The following EIF4G3 variants were observed in gnomAD, a reference collection of about 807,000 sequenced individuals.
EIF4G3 encodes eIF-4-gamma 3.
In EIF4G3, 34 loss-of-function variants were observed where a neutral mutation model predicts 186.4. That is an observed-to-expected ratio of 0.18 (90% CI 0.14 to 0.24). EIF4G3 has a LOEUF of 0.24. Among genes scored for constraint, EIF4G3 ranks in the 10% least tolerant of loss-of-function variants. EIF4G3 has a pLI of 1.00. For missense variants in EIF4G3, 1,536 were observed against 1,948.5 expected (o/e 0.79, Z 3.99); for synonymous variants, 673 against 679.5 (o/e 0.99, Z 0.15).
intron 4 of EIF4G3, among the ~76,000 whole-genome samples, chr1:21,023,965 T>C (rs1391035861): frequency 1.4e-5 from 1 of 71,606 alleles, no homozygotes; most frequent in Non-Finnish European, 3.4e-5. Flanking sequence ...ATCTGGGAGG[T>C]GAGGAGCGTC....
In EIF4G3 at chr1:20,865,217, G is replaced by A. The variant is rs2077292747; in HGVS notation, c.2668C>T (p.Arg890Trp). 3.7e-6 allele frequency: 6 copies of A among 1,614,014 alleles called. No homozygotes were observed. The highest frequency in any genetic ancestry group is 2.7e-5 in the African/African-American group (2 of 74,984). ...ADKPGNTVNF[R>W]KLLLNRCQKE... ...TGGCAACGGTTCAGTAGCAGCTTCC[G>A]GAAATTCACTGTGTTACCAGGCTTG... The change falls in exon 21 of 37, where the codon CGG (arginine) becomes TGG (tryptophan). Residue 890 changes from arginine to tryptophan, a missense_variant. Transcript: ENST00000602326.
intron 2 of EIF4G3, among the ~76,000 whole-genome samples, chr1:21,159,431 T>TAA (rs71014164): frequency 8.2e-6 from 1 of 122,500 alleles, no homozygotes; most frequent in Non-Finnish European, 1.7e-5. Context: ...AGCAAGGGTT[T>TAA]AAAAAAAAAA....
At chr1:20,926,405 C>T (rs898870574) in intron 14 of EIF4G3, among the ~76,000 whole-genome samples, 2 of 152,160 alleles carry the variant, frequency 1.3e-5, no homozygotes, top group Non-Finnish European at 1.5e-5. Flanking sequence ...ACAGGCCAGG[C>T]ATGGTAGCTC....
Position 20,857,408 on chromosome 1 carries a change from T to G in EIF4G3, c.3334A>C (p.Thr1112Pro). The change falls in exon 25 of 37, where the codon ACT becomes CCT. Residue 1112 changes from threonine to proline, a missense_variant. This residue lies in a region of EIF4G3 where 110 missense variants were observed against 166.2 expected (regional missense o/e 0.66). Coordinates refer to ENST00000602326, the MANE Select transcript of EIF4G3 (RefSeq NM_001391906.1). The part of the protein sequence containing the change: ...VLDPSKFLKI[T>P]KPTIDEKIQL... ...ACTTTAAATGTCAGACTCACCTTAG[T>G]GATTTTTAGGAATTTTGAGGGGTCC... 1 of 1,613,736 alleles carries G rather than the reference T, an allele frequency of 6.2e-7. No homozygotes were observed.
intron 4 of EIF4G3, among the ~76,000 whole-genome samples, chr1:21,035,923 T>C (rs1349347772): frequency 6.6e-6 from 1 of 152,022 alleles, no homozygotes; most frequent in African/African-American, 2.4e-5. Flanking sequence ...GTAAGGCCCA[T>C]AAAAGCCTCA....
intron 3 of EIF4G3, among the ~76,000 whole-genome samples, chr1:21,067,739 A>G (rs1313238248): frequency 6.6e-6 from 1 of 152,182 alleles, no homozygotes; most frequent in East Asian, 1.9e-4. Context: ...AATCAGGTTC[A>G]AAGTGCAACA....
chr1:21,065,233 A>C (rs1177546777), intron 3 of EIF4G3, among the ~76,000 whole-genome samples: 1 of 152,120 alleles, frequency 6.6e-6, no homozygotes, highest in African/African-American at 2.4e-5. Flanking sequence ...ACAGATCCAA[A>C]TCATGTAAGA....
Position 21,057,598 on chromosome 1 carries a change from A to AT in EIF4G3, c.-195-6605dup, listed in dbSNP as rs200157947. Reference sequence around the variant, plus strand: ...GTGATTTTTTTAAAGCTGGTTTAAAATTTTTTTTTTGCTTTAAAATTATTT... The same window carrying AT: ...GTGATTTTTTTAAAGCTGGTTTAAAATTTTTTTTTTTGCTTTAAAATTATTT... On this transcript the variant is annotated intron_variant, in intron 3 of 36. Coordinates refer to ENST00000602326, the MANE Select transcript of EIF4G3 (RefSeq NM_001391906.1). Among the ~76,000 whole-genome samples the AT allele has an allele frequency of 8.4e-4, 126 of 150,032 alleles. 2 individuals carry two copies. Among genetic ancestry groups the AT allele is most frequent in the African/African-American group, 2.5e-3 (104 of 41,006 alleles).
At chr1:20,878,748 C>T (rs1202677604) in intron 20 of EIF4G3, among the ~76,000 whole-genome samples, 1 of 152,180 alleles carries the variant, frequency 6.6e-6, no homozygotes, top group Non-Finnish European at 1.5e-5. Flanking sequence ...GAATAGAGGA[C>T]AATGAACACT....
chr1:20,819,829 T>C (rs1171063189), intron 33 of EIF4G3, among the ~76,000 whole-genome samples: 1 of 151,658 alleles, frequency 6.6e-6, no homozygotes, highest in African/African-American at 2.4e-5. Flanking sequence ...ACCCCTGACC[T>C]TAAAATAAAA....
At chr1:20,828,391 G>A (rs999510703) in intron 31 of EIF4G3, among the ~76,000 whole-genome samples, 4 of 152,154 alleles carry the variant, frequency 2.6e-5, no homozygotes, top group Admixed American at 2.6e-4. Context: ...GGATGAAACA[G>A]CAAAGGGGCC....
chr1:20,984,269 G>C (rs867890788), intron 7 of EIF4G3, among the ~76,000 whole-genome samples: 1 of 151,636 alleles, frequency 6.6e-6, no homozygotes, highest in Admixed American at 6.6e-5. Context: ...GGGTTCAAGC[G>C]ATTCTCCTGC....
At chr1:20,828,446 T>A (rs772572962) in intron 31 of EIF4G3, among the ~76,000 whole-genome samples, 7 of 152,220 alleles carry the variant, frequency 4.6e-5, no homozygotes, top group Admixed American at 4.6e-4. Flanking sequence ...CTGTGTTCCA[T>A]AGGATATCTA....
At chr1:20,919,488 A>G (rs2094286352) in intron 14 of EIF4G3, among the ~76,000 whole-genome samples, 1 of 152,178 alleles carries the variant, frequency 6.6e-6, no homozygotes, top group African/African-American at 2.4e-5. Context: ...TACAGGTGTG[A>G]GCCACCAAGC....
chr1:20,840,242 T>C (rs1028716105), intron 30 of EIF4G3, among the ~76,000 whole-genome samples: 2 of 152,194 alleles, frequency 1.3e-5, no homozygotes, highest in African/African-American at 2.4e-5. Context: ...TGATGGTATA[T>C]CACAAATATA....
At chr1:21,132,366 AAT>A (rs1283502642) in intron 2 of EIF4G3, among the ~76,000 whole-genome samples, 1 of 152,178 alleles carries the variant, frequency 6.6e-6, no homozygotes, top group East Asian at 1.9e-4. Context: ...AAGAAAATTA[AAT>A]AAGCCTAGGA....
At chr1:21,122,403 A>G (rs2096941972) in intron 2 of EIF4G3, among the ~76,000 whole-genome samples, 1 of 152,216 alleles carries the variant, frequency 6.6e-6, no homozygotes. Flanking sequence ...GAAAACCAAA[A>G]AACTAAATGA....
chr1:20,899,662 T>C, intron 16 of EIF4G3, 35 bp downstream of exon 16: 3 of 1,610,876 alleles, frequency 1.9e-6, no homozygotes, highest in Middle Eastern at 1.7e-4. Context: ...AGTAGAGGGA[T>C]AAAGAGGTAC....
rs60071144 is a variant in EIF4G3 at position 20,911,560 on chromosome 1, CAAAAAAAAAAAAAA to C, written c.1664-6603_1664-6590del. Among the ~76,000 whole-genome samples the C allele has an allele frequency of 2.7e-4, 11 of 40,718 alleles. No individual in the cohort carries two copies. The South Asian group carries it at 3.8e-3, about 14-fold the overall frequency. 26.7% of individuals were successfully genotyped at this position (40,718 alleles called of 152,430 possible). A position where few individuals can be genotyped will look rare whatever the true frequency, so the allele number is the denominator to read the frequency against. On this transcript the variant is annotated intron_variant, in intron 14 of 36. Transcript: ENST00000602326. ...TGGGTAACAGACTGAGACCCTGCCT[CAAAAAAAAAAAAAA>C]AAAAAAAAAAAAAAGAATGTAAAAG...
Sources: gnomAD v4.1 joint callset for allele counts (sites outside exome capture counted in the v4.1 genomes callset) on GRCh38, gnomAD v4.1.1 for gene constraint, gnomAD v4.1.1 regional missense constraint, MANE v1.5 for transcripts, NCBI Gene and HGNC (gene_info 2026-07-23, HGNC 2026-07-21) for gene names.